SLCO3A1: variants seen among roughly 807,000 people sequenced by gnomAD.
The protein encoded by SLCO3A1 is PGE1 transporter.
Under a neutral mutation model 63.1 loss-of-function variants are expected in SLCO3A1, and 27 were observed. The observed-to-expected ratio is 0.43, with a 90% CI of 0.32 to 0.59. The LOEUF (loss-of-function observed/expected upper bound fraction) is 0.59. SLCO3A1 is among the 20% of genes least tolerant of loss of function. The pLI, the probability that SLCO3A1 is intolerant of heterozygous loss-of-function variation, is 0.09. For missense variants in SLCO3A1, 773 were observed against 945.8 expected (o/e 0.82, Z 2.40); for synonymous variants, 473 against 409.9 (o/e 1.15, Z -1.86).
chr15:91,903,536 G>T (rs747488496), intron 1 of SLCO3A1, among the ~76,000 whole-genome samples: 1 of 152,168 alleles, frequency 6.6e-6, no homozygotes, highest in Non-Finnish European at 1.5e-5. Context: ...GGGGTCTTAT[G>T]GTGTGTACTC....
intron 4 of SLCO3A1, among the ~76,000 whole-genome samples, chr15:92,116,568 C>T (rs2047797918): frequency 6.6e-6 from 1 of 152,190 alleles, no homozygotes; most frequent in South Asian, 2.1e-4. Context: ...GTTCAATGGC[C>T]TGGTGTGGCC....
intron 2 of SLCO3A1, among the ~76,000 whole-genome samples, chr15:92,054,369 G>A (rs2046996970): frequency 6.6e-6 from 1 of 152,168 alleles, no homozygotes. Flanking sequence ...TTTAACAGTT[G>A]TAGCACCACA....
rs948249433 is a variant in SLCO3A1, at chr15:92,164,747, A to C, written c.*1612A>C. 2 of 985,306 alleles carry C rather than the reference A, an allele frequency of 2.0e-6. No homozygotes were observed. Among genetic ancestry groups the C allele is most frequent in the African/African-American group, 3.5e-5 (2 of 57,236 alleles). The allele number at this position is 985,306 out of a possible 1,614,324, so 61.0% of individuals were successfully genotyped here. A position where few individuals can be genotyped will look rare whatever the true frequency, so the allele number is the denominator to read the frequency against. ...TGTGTTTTGAAGGTGGGTGAACCTC[A>C]GAGAATGAACCTGTTATGATTTGGG... On this transcript the variant is annotated 3_prime_UTR_variant, in exon 10 of 10. Transcript: ENST00000318445.
At chr15:92,082,292 T>C (rs2047356495) in intron 2 of SLCO3A1, among the ~76,000 whole-genome samples, 1 of 152,170 alleles carries the variant, frequency 6.6e-6, no homozygotes, top group African/African-American at 2.4e-5. Context: ...GCCTGCAGAT[T>C]TAAGATGTGG....
Position 92,163,819 on chromosome 15 carries a change from G to C in SLCO3A1, c.*684G>C, listed in dbSNP as rs2048470326. ...AGTTTGTAATTGGCACCTCTCACCA[G>C]CTCCATTTCCATGTTCAAGACTGAG... On this transcript the variant is annotated 3_prime_UTR_variant, in exon 10 of 10. Coordinates refer to ENST00000318445, the MANE Select transcript of SLCO3A1 (RefSeq NM_013272.4). 1 of 985,372 alleles carries C rather than the reference G, an allele frequency of 1.0e-6. No homozygotes were observed. Among genetic ancestry groups the C allele is most frequent in the Admixed American group, 6.1e-5 (1 of 16,268 alleles). The allele number at this position is 985,372 out of a possible 1,614,324, so 61.0% of individuals were successfully genotyped here. A position where few individuals can be genotyped will look rare whatever the true frequency, so the allele number is the denominator to read the frequency against.
At chr15:91,945,747 C>T (rs573215865) in intron 2 of SLCO3A1, among the ~76,000 whole-genome samples, 43 of 152,236 alleles carry the variant, frequency 2.8e-4, no homozygotes, top group African/African-American at 8.7e-4. Flanking sequence ...CAATGTGATC[C>T]GATGGTGACT....
chr15:91,921,643 T>C (rs890902150), intron 2 of SLCO3A1, among the ~76,000 whole-genome samples: 2 of 152,188 alleles, frequency 1.3e-5, no homozygotes, highest in Admixed American at 6.5e-5. Context: ...CCCCTGCTGT[T>C]GATGTCATGG....
At chr15:91,978,464 C>T (rs561323929) in intron 2 of SLCO3A1, among the ~76,000 whole-genome samples, 45 of 152,258 alleles carry the variant, frequency 3.0e-4, no homozygotes, top group Admixed American at 5.2e-4. Flanking sequence ...CCCAAGCCAC[C>T]AACTCATCTA....
chr15:92,087,513 A>T (rs963638749), intron 2 of SLCO3A1, among the ~76,000 whole-genome samples: 30 of 136,604 alleles, frequency 2.2e-4, no homozygotes, highest in African/African-American at 8.2e-4. Flanking sequence ...TTTATTATCT[A>T]TTATTTTTTT....
chr15:92,128,051 T>C (rs1308911230), intron 6 of SLCO3A1, among the ~76,000 whole-genome samples: 1 of 152,102 alleles, frequency 6.6e-6, no homozygotes, highest in Non-Finnish European at 1.5e-5. Flanking sequence ...AAAAAGCATC[T>C]TCCTCCTCGC....
At chr15:92,130,885 CAA>C (rs993611856) in intron 7 of SLCO3A1, among the ~76,000 whole-genome samples, 447 of 21,760 alleles carry the variant, frequency 0.021, no homozygotes, top group African/African-American at 0.027. Context: ...AAGTTCGGGG[CAA>C]AAAAAAAAAA....
At chr15:92,135,658 G>T (rs563338053) in intron 7 of SLCO3A1, among the ~76,000 whole-genome samples, 13 of 152,356 alleles carry the variant, frequency 8.5e-5, no homozygotes, top group African/African-American at 3.1e-4. Context: ...AGGAACGTCA[G>T]TGAATTATGA....
intron 9 of SLCO3A1, chr15:92,151,319 T>C: frequency 3.8e-6 from 1 of 263,250 alleles, no homozygotes; most frequent in Non-Finnish European, 7.1e-6. Flanking sequence ...ATTTGGCATC[T>C]TCATTAAGCA....
chr15:92,134,962 T>TA (rs144046499), intron 7 of SLCO3A1, among the ~76,000 whole-genome samples: 4,977 of 151,762 alleles, frequency 0.033, 271 homozygotes, highest in African/African-American at 0.11. Flanking sequence ...TGAAAAGATG[T>TA]AAAAAAAATT....
In SLCO3A1 at chr15:92,156,185, C is replaced by T. The variant is rs147699825; in HGVS notation, c.1753+5171C>T. ...GGAAAAATGAACGTGTTAAGTGCTG[C>T]TTTGGAAGAAGCAAGCACAGCATGC... On this transcript the variant is annotated intron_variant, in intron 9 of 9. Coordinates refer to ENST00000318445, the MANE Select transcript of SLCO3A1 (RefSeq NM_013272.4). 2.7e-3 allele frequency among the ~76,000 whole-genome samples: 414 copies of T among 152,300 alleles called. 1 individual carries two copies. The highest frequency in any genetic ancestry group is 0.01 in the Middle Eastern group (3 of 294).
chr15:92,060,645 G>A (rs1486838752), intron 2 of SLCO3A1, among the ~76,000 whole-genome samples: 2 of 151,890 alleles, frequency 1.3e-5, no homozygotes, highest in African/African-American at 2.4e-5. Flanking sequence ...GACTACAGAC[G>A]CACAGTGCCA....
intron 2 of SLCO3A1, among the ~76,000 whole-genome samples, chr15:91,925,026 A>G (rs910324520): frequency 7.2e-5 from 11 of 152,382 alleles, no homozygotes; most frequent in African/African-American, 2.6e-4. Context: ...TTTTCCTTCC[A>G]GAAGGATGTC....
rs559912354 is a variant in SLCO3A1 at position 92,134,529 on chromosome 15, T to C, written c.1512+6040T>C. On this transcript the variant is annotated intron_variant, in intron 7 of 9. Transcript: ENST00000318445. ...AATATAGTTAAGTGAAAAGAACACA[T>C]TGTAAAATAATACATAGACAATAAT... Among the ~76,000 whole-genome samples, 9 of 152,292 alleles carry C rather than the reference T, an allele frequency of 5.9e-5. No individual in the cohort carries two copies. The South Asian group carries it at 1.0e-3, about 18-fold the overall frequency.
At chr15:92,035,404 C>G (rs749399354) in intron 2 of SLCO3A1, among the ~76,000 whole-genome samples, 6 of 151,846 alleles carry the variant, frequency 4.0e-5, no homozygotes, top group African/African-American at 1.4e-4. Flanking sequence ...AAACCCAGAT[C>G]TGTTTAAATA....
Sources: gnomAD v4.1 joint callset for allele counts (sites outside exome capture counted in the v4.1 genomes callset) on GRCh38, gnomAD v4.1.1 for gene constraint, MANE v1.5 for transcripts, NCBI Gene and HGNC (gene_info 2026-07-23, HGNC 2026-07-21) for gene names.